The following GLIS3 variants were observed in gnomAD, a reference collection of about 807,000 sequenced individuals.
GLIS3 encodes the protein GLIS family zinc finger 3, also known as zinc finger protein GLIS3.
GLIS3 carries 53 observed loss-of-function variants against 78.6 expected under a neutral mutation model. The ratio of observed to expected loss-of-function variants is 0.67; its 90% confidence interval spans 0.54 to 0.85. GLIS3 has a LOEUF of 0.85. Among genes scored for constraint, GLIS3 ranks in the 40% least tolerant of loss-of-function variants. The pLI is 0.00. For missense variants in GLIS3, 1,703 were observed against 1,231.1 expected, an observed-to-expected ratio of 1.38 and a Z score of -5.74; for synonymous variants, 684 against 509.9, an observed-to-expected ratio of 1.34 and a Z score of -4.60.
intron 9 of GLIS3, among the ~76,000 whole-genome samples, chr9:3,830,617 G>A (rs1282774482): frequency 6.6e-6 from 1 of 152,152 alleles, no homozygotes; most frequent in African/African-American, 2.4e-5. Flanking sequence ...GAAAAAAAGG[G>A]ATTAATAGAG....
intron 2 of GLIS3, among the ~76,000 whole-genome samples, chr9:4,236,584 T>C (rs1231952865): frequency 6.6e-6 from 1 of 152,130 alleles, no homozygotes; most frequent in Non-Finnish European, 1.5e-5. Context: ...GAAAAAAATA[T>C]CTGAAACTTA....
upstream of GLIS3, chr9:4,305,062 C>T (rs185759683): frequency 6.6e-6 from 1 of 152,218 alleles, no homozygotes; most frequent in South Asian, 2.1e-4. Context: ...TCACAACATC[C>T]GAATCAGGTA....
At chr9:4,095,570 G>A (rs961924555) in intron 4 of GLIS3, among the ~76,000 whole-genome samples, 2 of 152,162 alleles carry the variant, frequency 1.3e-5, no homozygotes, top group Admixed American at 6.5e-5. Context: ...GGAAGAGTCT[G>A]GGCCTAAGAA....
intron 2 of GLIS3, among the ~76,000 whole-genome samples, chr9:4,283,261 GTTTTTTTGT>G (rs1191457148): frequency 3.8e-4 from 29 of 76,416 alleles, no homozygotes; most frequent in African/African-American, 5.5e-4. Flanking sequence ...CTGTTTTTTT[GTTTTTTTGT>G]TTTTTTTTTT....
intron 2 of GLIS3, among the ~76,000 whole-genome samples, chr9:4,228,847 A>C (rs1226602878): frequency 6.6e-6 from 1 of 152,234 alleles, no homozygotes; most frequent in African/African-American, 2.4e-5. Flanking sequence ...CTGCTCTGTT[A>C]TCTCTCTGAG....
intron 7 of GLIS3, among the ~76,000 whole-genome samples, chr9:3,891,638 G>A (rs1326161005): frequency 1.3e-5 from 2 of 152,154 alleles, no homozygotes; most frequent in Non-Finnish European, 2.9e-5. Context: ...GGGGTTCAAG[G>A]TTACAGTGAG....
At chr9:4,369,400 G>C in the GLIS3 span, among the ~76,000 whole-genome samples, 1 of 152,180 alleles carries the variant, frequency 6.6e-6, no homozygotes, top group Admixed American at 6.5e-5. Context: ...TTCTAGTGCT[G>C]TCAGAAGAAT....
chr9:4,059,432 A>G (rs1826436758), intron 4 of GLIS3, among the ~76,000 whole-genome samples: 1 of 152,142 alleles, frequency 6.6e-6, no homozygotes, highest in Admixed American at 6.5e-5. Flanking sequence ...CCATGATGGG[A>G]TTTCTCTCAG....
At chr9:4,264,186 T>C (rs1825774850) in intron 2 of GLIS3, among the ~76,000 whole-genome samples, 1 of 152,216 alleles carries the variant, frequency 6.6e-6, no homozygotes, top group Admixed American at 6.5e-5. Flanking sequence ...ATTCACTACA[T>C]GTTCAAACCA....
At chr9:3,896,889 T>C (rs955263096) in intron 7 of GLIS3, among the ~76,000 whole-genome samples, 1 of 152,076 alleles carries the variant, frequency 6.6e-6, no homozygotes, top group Non-Finnish European at 1.5e-5. Context: ...AGCCGGAGGC[T>C]CTAATTCCAG....
At chr9:4,062,588 C>T (rs1826741155) in intron 4 of GLIS3, among the ~76,000 whole-genome samples, 1 of 152,196 alleles carries the variant, frequency 6.6e-6, no homozygotes, top group African/African-American at 2.4e-5. Context: ...GATTATAACT[C>T]TTCTGCCTAC....
In GLIS3 at chr9:3,932,384, G is replaced by A; in HGVS notation, c.1959C>T (p.Ser653=). 1 of 1,613,256 alleles carries A rather than the reference G, an allele frequency of 6.2e-7. No individual in the cohort carries two copies. Among genetic ancestry groups the A allele is most frequent in the East Asian group, 2.2e-5 (1 of 44,862 alleles). The change falls in exon 6 of 11, where the codon TCC becomes TCT. Residue 653 remains serine (S), a synonymous_variant. Transcript: ENST00000381971. The stretch of plus-strand genomic sequence containing the variant: ...CCTTTTTCCTTGCTTGTTGCTCTTT[G>A]GAAGAATGTGCCTTCACATGCTTTC... ...SLRKHVKAHS[S]KEQQARKKLR... is the part of the protein sequence containing the mutation.
intron 2 of GLIS3, among the ~76,000 whole-genome samples, chr9:4,321,036 C>T (rs1404078880): frequency 6.6e-6 from 1 of 151,896 alleles, no homozygotes; most frequent in Non-Finnish European, 1.5e-5. Context: ...TTTCTGCAGC[C>T]TTATTTCATA....
chr9:4,227,321 A>T (rs903769481), intron 2 of GLIS3, among the ~76,000 whole-genome samples: 1 of 152,046 alleles, frequency 6.6e-6, no homozygotes, highest in Admixed American at 6.6e-5. Flanking sequence ...AAAAAAAAAA[A>T]AAAGTAAGTA....
At chr9:4,135,370 A>G (rs1833329030) in intron 2 of GLIS3, among the ~76,000 whole-genome samples, 1 of 152,176 alleles carries the variant, frequency 6.6e-6, no homozygotes, top group African/African-American at 2.4e-5. Flanking sequence ...GTGAATGTGT[A>G]TCCTCCCACA....
At chr9:4,192,496 T>C (rs768847688) in intron 2 of GLIS3, among the ~76,000 whole-genome samples, 3 of 152,216 alleles carry the variant, frequency 2.0e-5, no homozygotes, top group Non-Finnish European at 4.4e-5. Flanking sequence ...ACTCAACACA[T>C]TCCTATGTTA....
At chr9:4,386,289 G>A in the GLIS3 span, 3 of 151,942 alleles carry the variant, frequency 2.0e-5, no homozygotes, top group South Asian at 2.1e-4. Flanking sequence ...TGTATTATAG[G>A]GCTGCAATGA....
the GLIS3 span, among the ~76,000 whole-genome samples, chr9:4,392,234 C>T: frequency 2.7e-5 from 4 of 148,046 alleles, no homozygotes; most frequent in African/African-American, 9.9e-5. Flanking sequence ...ACACTAGGGC[C>T]TGTCGTGGGG....
chr9:4,183,579 T>C (rs1485691291), intron 2 of GLIS3, among the ~76,000 whole-genome samples: 1 of 152,172 alleles, frequency 6.6e-6, no homozygotes, highest in East Asian at 1.9e-4. Flanking sequence ...CCTTATAAAG[T>C]CCCTCTACCA....
Sources: allele counts gnomAD v4.1 joint callset (sites outside exome capture counted in the v4.1 genomes callset), GRCh38; gene constraint gnomAD v4.1.1; transcripts MANE v1.5; gene names NCBI Gene and HGNC (gene_info 2026-07-23, HGNC 2026-07-21).